CHEK1: variants seen among roughly 807,000 people sequenced by gnomAD.
CHEK1 encodes the protein serine/threonine-protein kinase Chk1.
A neutral mutation model predicts 60.2 loss-of-function variants in CHEK1; 32 were observed. The observed-to-expected ratio is 0.53, with a 90% confidence interval of 0.40 to 0.71. The LOEUF is 0.71. Among genes scored for constraint, CHEK1 ranks in the 30% least tolerant of loss-of-function variants. CHEK1 has a pLI of 0.00. For missense variants in CHEK1, 399 were observed against 564.6 expected (o/e 0.71, Z 2.97); for synonymous variants, 179 against 187.2 (o/e 0.96, Z 0.36).
intron 13 of CHEK1, among the ~76,000 whole-genome samples, chr11:125,664,310 T>G (rs1194049572): frequency 1.3e-5 from 2 of 149,710 alleles, no homozygotes; most frequent in African/African-American, 2.5e-5. Flanking sequence ...CTCAGCTCAC[T>G]GCAACCTCCA....
At chr11:125,626,326 G>GGGAATT (rs1290757016) in intron 1 of CHEK1, 1 of 462,342 alleles carries the variant, frequency 2.2e-6, no homozygotes, top group African/African-American at 1.9e-5. Context: ...GGATGGGGAT[G>GGGAATT]GGAATTGGAA....
intron 2 of CHEK1, 58 bp from the exon 3 acceptor site, chr11:125,627,542 GTTTAATC>G (rs768608355): frequency 2.2e-6 from 3 of 1,389,248 alleles, no homozygotes; most frequent in Non-Finnish European, 2.9e-6. Context: ...GATGAGTCAT[GTTTAATC>G]TTTGGAAGTT....
chr11:125,630,192 G>A (rs1940809637), intron 5 of CHEK1, among the ~76,000 whole-genome samples: 1 of 152,156 alleles, frequency 6.6e-6, no homozygotes, highest in African/African-American at 2.4e-5. Context: ...AGGATGGATA[G>A]CGAAAGCTTT....
chr11:125,629,701 G>A (rs927885484), intron 5 of CHEK1, among the ~76,000 whole-genome samples: 2 of 151,746 alleles, frequency 1.3e-5, no homozygotes, highest in African/African-American at 2.4e-5. Context: ...CTAGGTGCAA[G>A]CCTAGCTCAC....
chr11:125,652,972 C>A (rs1264913975), intron 11 of CHEK1, among the ~76,000 whole-genome samples: 25 of 152,124 alleles, frequency 1.6e-4, no homozygotes, highest in Admixed American at 1.6e-3. Flanking sequence ...TTCCCTCTCC[C>A]CTTCCTGGAC....
chr11:125,625,621 G>A lies in CHEK1; in HGVS notation c.-412G>A, dbSNP rs1180602741. The stretch of plus-strand genomic sequence containing the variant: ...GGCCAGGAGCGAAGCCCGCAGCCCC[G>A]CCTGGAAGCGCAGCGCGGTCGGTCG... On this transcript the variant is annotated 5_prime_UTR_variant, in exon 1 of 13. Coordinates refer to ENST00000438015, the MANE Select transcript of CHEK1 (RefSeq NM_001114122.3). The A allele has an allele frequency of 2.3e-5, 14 of 596,080 alleles. No individual in the cohort carries two copies. The highest frequency in any genetic ancestry group is 3.7e-5 in the African/African-American group (2 of 53,792). 36.9% of individuals were successfully genotyped at this position (596,080 alleles called of 1,614,324 possible). A position where few individuals can be genotyped will look rare whatever the true frequency, so the allele number is the denominator to read the frequency against.
At chr11:125,645,229 G>T (rs1252149299) in intron 11 of CHEK1, among the ~76,000 whole-genome samples, 2 of 151,816 alleles carry the variant, frequency 1.3e-5, no homozygotes, top group Non-Finnish European at 2.9e-5. Flanking sequence ...CATTATCTTT[G>T]TAAAAACTAT....
downstream of CHEK1, among the ~76,000 whole-genome samples, chr11:125,659,797 A>G (rs1291289115): frequency 1.3e-5 from 2 of 152,196 alleles, no homozygotes; most frequent in Non-Finnish European, 2.9e-5. Flanking sequence ...TGCAACCATC[A>G]CCACTCTCAA....
chr11:125,626,915 A>G (rs1940638652), intron 2 of CHEK1, 82 bp downstream of exon 2: 1 of 1,428,836 alleles, frequency 7.0e-7, no homozygotes, highest in Non-Finnish European at 9.8e-7. Context: ...TTTAGAAAGT[A>G]GATGTTTGAG....
At chr11:125,628,627 A>G (rs181161508) in intron 3 of CHEK1, among the ~76,000 whole-genome samples, 2 of 152,284 alleles carry the variant, frequency 1.3e-5, no homozygotes, top group East Asian at 3.9e-4. Context: ...GACTATATGA[A>G]GTTTAAATCT....
intron 13 of CHEK1, chr11:125,675,825 T>G (rs1942478034): frequency 6.5e-6 from 1 of 153,286 alleles, no homozygotes; most frequent in Non-Finnish European, 1.5e-5. Flanking sequence ...TCTCTCTGCC[T>G]TCTCTTAGGC....
chr11:125,674,074 G>T (rs1942356828), intron 13 of CHEK1, among the ~76,000 whole-genome samples: 2 of 152,028 alleles, frequency 1.3e-5, no homozygotes, highest in Admixed American at 6.6e-5. Context: ...TCGCTGGGGG[G>T]CAGAGGTTGC....
intron 13 of CHEK1, among the ~76,000 whole-genome samples, chr11:125,673,843 T>C (rs2134107839): frequency 6.6e-6 from 1 of 152,272 alleles, no homozygotes; most frequent in Admixed American, 6.5e-5. Flanking sequence ...ATCTAGTTTG[T>C]TTCTGTCACT....
chr11:125,657,197 G>GTT (rs1941927626), downstream of CHEK1: 4 of 162,792 alleles, frequency 2.5e-5, no homozygotes, highest in Admixed American at 2.6e-4. Context: ...TTGTGTGTGT[G>GTT]TGTGTGTGTG....
At chr11:125,678,294 G>A, downstream of CHEK1, 2 of 1,613,498 alleles carry the variant, frequency 1.2e-6, no homozygotes, top group Non-Finnish European at 1.7e-6. Context: ...CTGACTTGAT[G>A]TTCCTGGGAT....
chr11:125,664,324 C>T (rs544264596), intron 13 of CHEK1, among the ~76,000 whole-genome samples: 1 of 151,078 alleles, frequency 6.6e-6, no homozygotes, highest in South Asian at 2.1e-4. Flanking sequence ...ACCTCCACCT[C>T]CTGGGTTCAA....
In CHEK1 at chr11:125,644,689, T is replaced by G. The variant is rs139702595; in HGVS notation, c.1233+46T>G. ...TTATACCTTTTCCTGAAGAAGAATT[T>G]AAATATTTGAGTAAAAGCTATCATT... On this transcript the variant is annotated intron_variant, in intron 11 of 12. Transcript: ENST00000438015. 1,129 of 1,583,648 alleles carry G rather than the reference T, an allele frequency of 7.1e-4. 7 individuals carry two copies. In the African/African-American group the frequency reaches 0.014, roughly 19 times the overall value.
chr11:125,648,949 G>C (rs1210353625), intron 11 of CHEK1, among the ~76,000 whole-genome samples: 1 of 151,966 alleles, frequency 6.6e-6, no homozygotes, highest in Non-Finnish European at 1.5e-5. Context: ...TAAGTAGCTG[G>C]GACTACAGGT....
Position 125,655,419 on chromosome 11 carries a change from G to C in CHEK1, c.*99G>C, listed in dbSNP as rs1257439035. 4 of 770,596 alleles carry C rather than the reference G, an allele frequency of 5.2e-6. No individual in the cohort carries two copies. The African/African-American group carries it at 7.1e-5, about 14-fold the overall frequency. The allele number at this position is 770,596 out of a possible 1,614,324, so 47.7% of individuals were successfully genotyped here. A position where few individuals can be genotyped will look rare whatever the true frequency, so the allele number is the denominator to read the frequency against. The stretch of plus-strand genomic sequence containing the variant: ...TATCCTGTCCTGCAAACTGCAAATA[G>C]TAGTTCCTGAAGTGTTCACTTCCCT... On this transcript the variant is annotated 3_prime_UTR_variant, in exon 13 of 13. Coordinates refer to ENST00000438015, the MANE Select transcript of CHEK1 (RefSeq NM_001114122.3).
Sources: gnomAD v4.1 joint callset for allele counts (sites outside exome capture counted in the v4.1 genomes callset) on GRCh38, gnomAD v4.1.1 for gene constraint, MANE v1.5 for transcripts, NCBI Gene and HGNC (gene_info 2026-07-23, HGNC 2026-07-21) for gene names.